DUSP16: variants seen among roughly 807,000 people sequenced by gnomAD.
DUSP16 encodes dual specificity phosphatase 16.
In DUSP16, 21 loss-of-function variants were observed where a neutral mutation model predicts 58.3. That is an observed-to-expected ratio of 0.36 (90% CI 0.26 to 0.52). The LOEUF is 0.52. Ranked by LOEUF, DUSP16 falls within the 20% of genes least tolerant of loss-of-function variation. The pLI, the probability that DUSP16 is intolerant of heterozygous loss-of-function variation, is 0.94. For missense variants in DUSP16, 726 were observed against 819.0 expected (o/e 0.89, Z 1.39); for synonymous variants, 320 against 323.8 (o/e 0.99, Z 0.12).
At position 12,521,274 on chromosome 12, in the gene DUSP16, T is replaced by G; in HGVS notation, c.-176A>C. On this transcript the variant is annotated 5_prime_UTR_variant, in exon 2 of 7. Coordinates refer to ENST00000298573, the MANE Select transcript of DUSP16 (RefSeq NM_030640.3). ...TCAGCAAGAGCCCTCCAAGTGAATGTCTCTTTCTCTTTCCCGTTGATGTGC... is the reference window on the plus strand; with the variant it reads ...TCAGCAAGAGCCCTCCAAGTGAATGGCTCTTTCTCTTTCCCGTTGATGTGC... 7.0e-7 allele frequency: 1 copy of G among 1,438,768 alleles called. No individual in the cohort carries two copies. The highest frequency in any genetic ancestry group is 9.1e-7 in the Non-Finnish European group (1 of 1,100,636). 89.1% of individuals were successfully genotyped at this position (1,438,768 alleles called of 1,614,324 possible).
chr12:12,486,856 C>CA (rs879866204), intron 5 of DUSP16, among the ~76,000 whole-genome samples, 172 bp downstream of exon 5: 8 of 152,206 alleles, frequency 5.3e-5, no homozygotes, highest in Non-Finnish European at 1.0e-4. Flanking sequence ...CAGTGTGACA[C>CA]ACACGTCACC....
intron 3 of DUSP16, among the ~76,000 whole-genome samples, chr12:12,504,859 A>T (rs1304120784): frequency 6.6e-6 from 1 of 152,136 alleles, no homozygotes; most frequent in East Asian, 1.9e-4. Flanking sequence ...CCTGGGTGAC[A>T]AAGTGAGACC....
Position 12,476,219 on chromosome 12 carries a change from C to G in DUSP16, c.*614G>C, listed in dbSNP as rs768657186. ...GATATGGTAGTGGTCAAAGCCCCGA[C>G]TTTCCTGTCTGAGGTACTGGGTTTG... On this transcript the variant is annotated 3_prime_UTR_variant, in exon 7 of 7. Coordinates refer to ENST00000298573, the MANE Select transcript of DUSP16 (RefSeq NM_030640.3). 4 of 152,702 alleles carry G rather than the reference C, an allele frequency of 2.6e-5. No individual in the cohort carries two copies. Among genetic ancestry groups the G allele is most frequent in the Non-Finnish European group, 5.9e-5 (4 of 68,070 alleles). 9.5% of individuals were successfully genotyped at this position (152,702 alleles called of 1,614,324 possible). A position where few individuals can be genotyped will look rare whatever the true frequency, so the allele number is the denominator to read the frequency against.
chr12:12,536,541 T>TC (rs1393271362), intron 1 of DUSP16, among the ~76,000 whole-genome samples: 1 of 151,996 alleles, frequency 6.6e-6, no homozygotes, highest in Non-Finnish European at 1.5e-5. Context: ...AGTTAGGAGT[T>TC]CAAGACCAGC....
At chr12:12,529,427 G>A (rs1192277980) in intron 1 of DUSP16, among the ~76,000 whole-genome samples, 1 of 152,070 alleles carries the variant, frequency 6.6e-6, no homozygotes, top group African/African-American at 2.4e-5. Flanking sequence ...TTAAATTAAT[G>A]GATAAAACTG....
At chr12:12,549,726 T>G (rs1015059339) in intron 1 of DUSP16, among the ~76,000 whole-genome samples, 1 of 151,672 alleles carries the variant, frequency 6.6e-6, no homozygotes, top group African/African-American at 2.4e-5. Flanking sequence ...ATACAATAAG[T>G]AAGTATGAAC....
intron 1 of DUSP16, among the ~76,000 whole-genome samples, chr12:12,545,442 C>CTTTT (rs71436720): frequency 2.3e-5 from 3 of 132,014 alleles, no homozygotes; most frequent in East Asian, 2.2e-4. Context: ...AATTTGTGTA[C>CTTTT]TTTTTTTTTT....
chr12:12,505,152 A>G (rs1252959051), intron 3 of DUSP16, among the ~76,000 whole-genome samples: 2 of 152,192 alleles, frequency 1.3e-5, no homozygotes, highest in Non-Finnish European at 2.9e-5. Flanking sequence ...GAATCACATA[A>G]TATAGGCTCA....
rs532845537 is a variant in DUSP16 at position 12,481,012 on chromosome 12, C to G, written c.692-666G>C. ...GGGATTACAGGAGTGAGCCACTGCC[C>G]CTGGCCTCCCTATTTTAAGCAACTT... On this transcript the variant is annotated intron_variant, in intron 5 of 6. Coordinates refer to ENST00000298573, the MANE Select transcript of DUSP16 (RefSeq NM_030640.3). Among the ~76,000 whole-genome samples, 24 of 152,260 alleles carry G rather than the reference C, an allele frequency of 1.6e-4. No homozygotes were observed. In the East Asian group the frequency reaches 4.4e-3, roughly 28 times the overall value.
Position 12,475,801 on chromosome 12 carries a change from T to C in DUSP16, c.*1032A>G, listed in dbSNP as rs1943420508. The C allele has an allele frequency of 6.6e-6, 1 of 152,238 alleles. No individual in the cohort carries two copies. Among genetic ancestry groups the C allele is most frequent in the East Asian group, 1.9e-4 (1 of 5,204 alleles). The allele number at this position is 152,238 out of a possible 1,614,324, so 9.4% of individuals were successfully genotyped here. On this transcript the variant is annotated 3_prime_UTR_variant, in exon 7 of 7. Transcript: ENST00000298573. ...TATTACATTTTACCAACTGTATCCA[T>C]GCAGTGAAGCAGAAAGGGCAAAAAC... is the stretch of plus-strand genomic sequence containing the variant.
At chr12:12,478,384 A>G (rs1393148228) in intron 6 of DUSP16, among the ~76,000 whole-genome samples, 2 of 151,906 alleles carry the variant, frequency 1.3e-5, no homozygotes, top group Non-Finnish European at 2.9e-5. Context: ...CCAGGCTGGA[A>G]TACAGTGGCA....
At position 12,560,946 on chromosome 12, in the gene DUSP16, T is replaced by TCACACACCCACACCCACACACACACA. The variant is rs56190302; in HGVS notation, c.-366+1170_-366+1171insTGTGTGTGTGTGGGTGTGGGTGTGTG. The TCACACACCCACACCCACACACACACA allele has an allele frequency of 3.6e-3, 532 of 148,248 alleles. 4 individuals are homozygous for TCACACACCCACACCCACACACACACA. Among genetic ancestry groups the TCACACACCCACACCCACACACACACA allele is most frequent in the African/African-American group, 0.012 (483 of 39,878 alleles). 9.2% of individuals were successfully genotyped at this position (148,248 alleles called of 1,614,324 possible). ...TAAACTTTTGCATGGATGGTAAATT[T>TCACACACCCACACCCACACACACACA]CACACACACACACACACACAGAGGC... On this transcript the variant is annotated intron_variant, in intron 1 of 6. Coordinates refer to ENST00000298573, the MANE Select transcript of DUSP16 (RefSeq NM_030640.3).
At chr12:12,510,236 C>T (rs1944055659) in intron 3 of DUSP16, among the ~76,000 whole-genome samples, 1 of 152,044 alleles carries the variant, frequency 6.6e-6, no homozygotes, top group Non-Finnish European at 1.5e-5. Context: ...CTGGACATGT[C>T]TATAATCATC....
chr12:12,524,380 C>A (rs1944274186), intron 1 of DUSP16, among the ~76,000 whole-genome samples: 1 of 152,174 alleles, frequency 6.6e-6, no homozygotes, highest in African/African-American at 2.4e-5. Flanking sequence ...AGGTCTAATT[C>A]TCTGTAGTGC....
At chr12:12,526,684 ATCT>A (rs1330176638) in intron 1 of DUSP16, among the ~76,000 whole-genome samples, 2 of 152,186 alleles carry the variant, frequency 1.3e-5, no homozygotes, top group East Asian at 1.9e-4. Flanking sequence ...TATATTAAGG[ATCT>A]TCTTCTGCTT....
intron 4 of DUSP16, among the ~76,000 whole-genome samples, chr12:12,490,106 C>T (rs1229833963): frequency 6.6e-6 from 1 of 152,152 alleles, no homozygotes; most frequent in Non-Finnish European, 1.5e-5. Context: ...TTTGTAGAGA[C>T]AGGGTCTCGC....
chr12:12,557,172 C>A (rs1262484509), intron 1 of DUSP16, among the ~76,000 whole-genome samples: 1 of 152,122 alleles, frequency 6.6e-6, no homozygotes, highest in East Asian at 1.9e-4. Context: ...TTTAAAGTTT[C>A]TGGCCGGGTG....
intron 5 of DUSP16, among the ~76,000 whole-genome samples, chr12:12,482,791 T>C (rs1943597009): frequency 1.3e-5 from 2 of 152,200 alleles, no homozygotes; most frequent in Admixed American, 1.3e-4. Context: ...CATAGCTCAC[T>C]GTAACTGTGA....
At chr12:12,516,914 C>T (rs1199682717) in intron 3 of DUSP16, among the ~76,000 whole-genome samples, 2 of 152,184 alleles carry the variant, frequency 1.3e-5, no homozygotes, top group Non-Finnish European at 2.9e-5. Flanking sequence ...AAAACTAAGC[C>T]CACTGCATTC....
Sources: allele counts gnomAD v4.1 joint callset (sites outside exome capture counted in the v4.1 genomes callset), GRCh38; gene constraint gnomAD v4.1.1; transcripts MANE v1.5; gene names NCBI Gene and HGNC (gene_info 2026-07-23, HGNC 2026-07-21).